DLGAP2: variants seen among roughly 807,000 people sequenced by gnomAD.
The protein encoded by DLGAP2 is disks large-associated protein 2.
Under a neutral mutation model 100.3 loss-of-function variants are expected in DLGAP2, and 26 were observed. The ratio of observed to expected loss-of-function variants is 0.26; its 90% CI spans 0.19 to 0.36. The LOEUF (loss-of-function observed/expected upper bound fraction) is 0.36. Ranked by LOEUF, DLGAP2 falls within the 10% of genes least tolerant of loss-of-function variation. The pLI, the probability that DLGAP2 is intolerant of heterozygous loss-of-function variation, is 1.00. For synonymous variants in DLGAP2, 886 were observed against 630.1 expected, an observed-to-expected ratio of 1.41 and a Z score of -6.08; for missense variants, 1,858 against 1,453.2, an observed-to-expected ratio of 1.28 and a Z score of -4.53.
chr8:1,045,054 C>T (rs1453779395), intron 2 of DLGAP2, among the ~76,000 whole-genome samples: 1 of 152,234 alleles, frequency 6.6e-6, no homozygotes, highest in African/African-American at 2.4e-5. Context: ...AACCTCCTGC[C>T]TATTTCTTTC....
Position 1,666,071 on chromosome 8 carries a change from C to T in DLGAP2, c.1811-2258C>T, listed in dbSNP as rs144889696. Among the ~76,000 whole-genome samples the T allele has an allele frequency of 1.2e-4, 19 of 152,314 alleles. 1 individual carries two copies. In the East Asian group the frequency reaches 2.1e-3, roughly 17 times the overall value. Reference sequence around the variant, plus strand: ...TGTGCAGTCCCCAACGCGTCCCACCCGGAAAAACGAAATATTTCCTAACCC... The same window carrying T: ...TGTGCAGTCCCCAACGCGTCCCACCTGGAAAAACGAAATATTTCCTAACCC... On this transcript the variant is annotated intron_variant, in intron 8 of 14. Coordinates refer to ENST00000637795, the MANE Select transcript of DLGAP2 (RefSeq NM_001346810.2).
intron 1 of DLGAP2, among the ~76,000 whole-genome samples, chr8:746,456 G>A (rs567667913): frequency 2.6e-5 from 4 of 152,304 alleles, no homozygotes; most frequent in Admixed American, 1.3e-4. Context: ...AGGCCACGTC[G>A]GCAGGGGGGC....
intron 2 of DLGAP2, among the ~76,000 whole-genome samples, chr8:1,096,026 A>C (rs2129042511): frequency 6.6e-6 from 1 of 152,378 alleles, no homozygotes; most frequent in East Asian, 1.9e-4. Context: ...ATGCTAAATG[A>C]AGAAAATATT....
chr8:948,499 C>T lies in DLGAP2; in HGVS notation c.73+40533C>T, dbSNP rs1316951326. ...ACACCAGGCGCCTGCTGGGTGATGG[C>T]GGGGTCACAGCAGGGGAGACGTTGG... On this transcript the variant is annotated intron_variant, in intron 2 of 14. Coordinates refer to ENST00000637795, the MANE Select transcript of DLGAP2 (RefSeq NM_001346810.2). Among the ~76,000 whole-genome samples the T allele has an allele frequency of 2.0e-5, 3 of 152,210 alleles. No individual in the cohort carries two copies. In the East Asian group the frequency reaches 5.8e-4, roughly 29 times the overall value.
chr8:770,910 G>GA (rs145622840), intron 1 of DLGAP2, among the ~76,000 whole-genome samples: 1,800 of 151,524 alleles, frequency 0.012, 44 homozygotes, highest in African/African-American at 0.042. Flanking sequence ...CTTAGGGATG[G>GA]AAAAAATTTT....
chr8:1,703,264 C>T lies in DLGAP2; in HGVS notation c.*1858C>T, dbSNP rs887933317. 11 of 149,612 alleles carry T rather than the reference C, an allele frequency of 7.4e-5. No individual in the cohort carries two copies. The highest frequency in any genetic ancestry group is 2.7e-4 in the African/African-American group (11 of 40,206). The allele number at this position is 149,612 out of a possible 1,614,324, so 9.3% of individuals were successfully genotyped here. A position where few individuals can be genotyped will look rare whatever the true frequency, so the allele number is the denominator to read the frequency against. Reference sequence around the variant, plus strand: ...AACAGCCTTAAAATATATTTGGAAGCAAAAATCAGTACGAATGTATCTCCT... The same window carrying T: ...AACAGCCTTAAAATATATTTGGAAGTAAAAATCAGTACGAATGTATCTCCT... On this transcript the variant is annotated 3_prime_UTR_variant, in exon 15 of 15. Coordinates refer to ENST00000637795, the MANE Select transcript of DLGAP2 (RefSeq NM_001346810.2).
At chr8:935,893 A>G (rs973776843) in intron 2 of DLGAP2, among the ~76,000 whole-genome samples, 6 of 152,264 alleles carry the variant, frequency 3.9e-5, no homozygotes, top group African/African-American at 1.4e-4. Context: ...TCTATCAATT[A>G]TTGTTCATAT....
chr8:996,161 C>T (rs1336292662), intron 2 of DLGAP2, among the ~76,000 whole-genome samples: 1 of 152,202 alleles, frequency 6.6e-6, no homozygotes, highest in East Asian at 1.9e-4. Context: ...CACTCCAGAG[C>T]TGAGAGAGGA....
At chr8:833,750 T>A (rs1264243477) in intron 1 of DLGAP2, among the ~76,000 whole-genome samples, 1 of 152,222 alleles carries the variant, frequency 6.6e-6, no homozygotes, top group Non-Finnish European at 1.5e-5. Context: ...ACTTGTTTTT[T>A]ATTTAAATGT....
chr8:1,357,443 T>C (rs912491716), intron 3 of DLGAP2, among the ~76,000 whole-genome samples: 42 of 150,864 alleles, frequency 2.8e-4, no homozygotes, highest in African/African-American at 8.5e-4. Context: ...AAACAGTCAC[T>C]GCAATTATCA....
At chr8:1,062,561 G>A (rs1277045457) in intron 2 of DLGAP2, among the ~76,000 whole-genome samples, 1 of 152,206 alleles carries the variant, frequency 6.6e-6, no homozygotes, top group East Asian at 1.9e-4. Flanking sequence ...GTGGCATCAG[G>A]TAGACAGTAG....
intron 3 of DLGAP2, among the ~76,000 whole-genome samples, chr8:1,345,456 A>G (rs1472942676): frequency 1.3e-5 from 2 of 152,234 alleles, no homozygotes; most frequent in African/African-American, 4.8e-5. Context: ...AAATAAACAA[A>G]TGATTTCACT....
At chr8:938,789 C>A (rs1163203156) in intron 2 of DLGAP2, among the ~76,000 whole-genome samples, 1 of 152,042 alleles carries the variant, frequency 6.6e-6, no homozygotes, top group Admixed American at 6.5e-5. Context: ...ACAGGGGCCA[C>A]GGGAGCCAGA....
intron 1 of DLGAP2, among the ~76,000 whole-genome samples, chr8:862,334 A>C: frequency 7.2e-6 from 1 of 138,202 alleles, no homozygotes. Flanking sequence ...ACGTAGTCTC[A>C]CTCTGTCGCC....
chr8:1,511,410 C>A (rs927468257), intron 4 of DLGAP2, among the ~76,000 whole-genome samples: 1 of 142,668 alleles, frequency 7.0e-6, no homozygotes, highest in African/African-American at 2.6e-5. Context: ...GTCGTAAGGG[C>A]TGTCTAGTGT....
chr8:1,130,221 C>G (rs200845757), intron 2 of DLGAP2, among the ~76,000 whole-genome samples: 2 of 152,126 alleles, frequency 1.3e-5, no homozygotes, highest in African/African-American at 2.4e-5. Context: ...TATTGACAAA[C>G]GCACTCTGGC....
intron 4 of DLGAP2, among the ~76,000 whole-genome samples, chr8:1,526,393 G>C (rs1029265339): frequency 6.6e-6 from 1 of 152,024 alleles, no homozygotes; most frequent in African/African-American, 2.4e-5. Context: ...GGGTGGGAAT[G>C]CATGTGGGTC....
chr8:1,294,098 G>A (rs1202953959), intron 3 of DLGAP2, among the ~76,000 whole-genome samples: 2 of 152,148 alleles, frequency 1.3e-5, no homozygotes, highest in Admixed American at 6.5e-5. Flanking sequence ...ACAAAACTAT[G>A]TGGAGGAGCA....
chr8:739,295 C>T (rs1214139233), intron 1 of DLGAP2: 1 of 152,266 alleles, frequency 6.6e-6, no homozygotes, highest in Non-Finnish European at 1.5e-5. Context: ...GACAGAGACC[C>T]GGTCCCAGAG....
Sources: allele counts gnomAD v4.1 joint callset (sites outside exome capture counted in the v4.1 genomes callset), GRCh38; gene constraint gnomAD v4.1.1; transcripts MANE v1.5; gene names NCBI Gene and HGNC (gene_info 2026-07-23, HGNC 2026-07-21).